The following SCHIP1 variants were observed in gnomAD, a reference collection of about 807,000 sequenced individuals.
SCHIP1 encodes the protein schwannomin interacting protein 1, also known as schwannomin-interacting protein 1.
SCHIP1 carries 8 observed loss-of-function variants against 29.7 expected under a neutral mutation model. The ratio of observed to expected loss-of-function variants is 0.27; its 90% confidence interval spans 0.16 to 0.49. The LOEUF (loss-of-function observed/expected upper bound fraction) is 0.49, where lower values mean the gene tolerates loss of function less well. Ranked by LOEUF, SCHIP1 falls within the 20% of genes least tolerant of loss-of-function variation. SCHIP1 has a pLI of 0.99. For synonymous variants in SCHIP1, 76 were observed against 94.9 expected (o/e 0.80, Z 1.16); for missense variants, 193 against 294.6 (o/e 0.66, Z 2.52).
chr3:159,531,403 C>T, the SCHIP1 span, among the ~76,000 whole-genome samples: 2 of 152,134 alleles, frequency 1.3e-5, no homozygotes, highest in Admixed American at 1.3e-4. Flanking sequence ...CCTTCCAGTC[C>T]CACTATCAAA....
At chr3:159,409,576 A>G in the SCHIP1 span, among the ~76,000 whole-genome samples, 1 of 152,120 alleles carries the variant, frequency 6.6e-6, no homozygotes, top group Admixed American at 6.6e-5. Context: ...GAACTTAACC[A>G]AAAAAGTAAA....
At chr3:159,572,947 T>C in the SCHIP1 span, among the ~76,000 whole-genome samples, 1 of 151,744 alleles carries the variant, frequency 6.6e-6, no homozygotes, top group Non-Finnish European at 1.5e-5. Context: ...TTTTTTTTTT[T>C]TTCTTTCCAT....
chr3:159,447,632 G>A, the SCHIP1 span, among the ~76,000 whole-genome samples: 1 of 152,148 alleles, frequency 6.6e-6, no homozygotes, highest in East Asian at 1.9e-4. Context: ...GATGAGCCCT[G>A]AGAATTCTTC....
At chr3:159,693,093 C>T in the SCHIP1 span, among the ~76,000 whole-genome samples, 1 of 152,168 alleles carries the variant, frequency 6.6e-6, no homozygotes, top group Non-Finnish European at 1.5e-5. Context: ...TTTTAAATCT[C>T]AAAATTAAGA....
chr3:159,873,972 T>C (rs1337931300), intron 2 of SCHIP1, among the ~76,000 whole-genome samples: 1 of 152,232 alleles, frequency 6.6e-6, no homozygotes, highest in Non-Finnish European at 1.5e-5. Flanking sequence ...TGAGCTTGTA[T>C]AGCTTAGTGT....
the SCHIP1 span, among the ~76,000 whole-genome samples, chr3:159,400,869 C>T: frequency 6.6e-6 from 1 of 152,174 alleles, no homozygotes; most frequent in Non-Finnish European, 1.5e-5. Context: ...ATAGCAGGCT[C>T]TAGACTTCCA....
intron 2 of SCHIP1, among the ~76,000 whole-genome samples, chr3:159,884,702 A>G (rs1007096298): frequency 1.3e-5 from 2 of 152,148 alleles, no homozygotes; most frequent in African/African-American, 4.8e-5. Flanking sequence ...TGGGTTTGCT[A>G]CTATTCAACC....
chr3:159,835,839 C>T (rs1743613822), upstream of SCHIP1, among the ~76,000 whole-genome samples: 1 of 152,078 alleles, frequency 6.6e-6, no homozygotes, highest in Non-Finnish European at 1.5e-5. Context: ...TAACTTTTTA[C>T]TATTATATTT....
the SCHIP1 span, among the ~76,000 whole-genome samples, chr3:159,564,010 C>T: frequency 6.6e-6 from 1 of 152,114 alleles, no homozygotes; most frequent in South Asian, 2.1e-4. Context: ...ACATACAAGA[C>T]TCTTATTTTT....
At chr3:159,325,312 G>T in the SCHIP1 span, among the ~76,000 whole-genome samples, 1 of 152,080 alleles carries the variant, frequency 6.6e-6, no homozygotes, top group Non-Finnish European at 1.5e-5. Flanking sequence ...AATGTCTCCA[G>T]TTTGATAGTT....
At chr3:159,622,205 G>A in the SCHIP1 span, among the ~76,000 whole-genome samples, 2 of 152,174 alleles carry the variant, frequency 1.3e-5, no homozygotes, top group African/African-American at 4.8e-5. Context: ...AGCAGGCAAG[G>A]TGCCACCAGA....
At chr3:159,618,394 C>CAACGATGAACACAGACAAG in the SCHIP1 span, among the ~76,000 whole-genome samples, 1 of 152,128 alleles carries the variant, frequency 6.6e-6, no homozygotes, top group African/African-American at 2.4e-5. Context: ...TAGGCATGAA[C>CAACGATGAACACAGACAAG]AACGATGAAC....
At chr3:159,580,301 T>C in the SCHIP1 span, among the ~76,000 whole-genome samples, 2 of 152,276 alleles carry the variant, frequency 1.3e-5, no homozygotes, top group East Asian at 3.9e-4. Context: ...TATTTTGTCA[T>C]GGTTATTAAT....
chr3:159,671,609 T>G, the SCHIP1 span, among the ~76,000 whole-genome samples: 424 of 152,308 alleles, frequency 2.8e-3, 1 homozygote, highest in African/African-American at 9.1e-3. Context: ...TATCAAGTTA[T>G]TAGATCAGCT....
At chr3:159,496,533 T>C in the SCHIP1 span, among the ~76,000 whole-genome samples, 1 of 152,072 alleles carries the variant, frequency 6.6e-6, no homozygotes, top group Non-Finnish European at 1.5e-5. Flanking sequence ...ATCAGAGAAA[T>C]GCAAATCAAA....
the SCHIP1 span, among the ~76,000 whole-genome samples, chr3:159,552,125 G>C: frequency 7.3e-6 from 1 of 137,538 alleles, no homozygotes; most frequent in Non-Finnish European, 1.5e-5. Flanking sequence ...TGCAGCCTCC[G>C]CCTCCCAAGT....
At chr3:159,470,673 C>G in the SCHIP1 span, among the ~76,000 whole-genome samples, 1 of 152,050 alleles carries the variant, frequency 6.6e-6, no homozygotes, top group East Asian at 1.9e-4. Flanking sequence ...CCTTTCCTCT[C>G]AAATCTGTCT....
the SCHIP1 span, among the ~76,000 whole-genome samples, chr3:159,308,343 A>G: frequency 6.6e-6 from 1 of 152,204 alleles, no homozygotes; most frequent in African/African-American, 2.4e-5. Context: ...AAAATCAAAT[A>G]ACCCCATCAA....
the SCHIP1 span, among the ~76,000 whole-genome samples, chr3:159,560,738 C>T: frequency 6.6e-6 from 1 of 151,036 alleles, no homozygotes; most frequent in African/African-American, 2.4e-5. Flanking sequence ...GTTTCTCTTT[C>T]CTGCTGCTTA....
Sources: allele counts gnomAD v4.1 joint callset (sites outside exome capture counted in the v4.1 genomes callset), GRCh38; gene constraint gnomAD v4.1.1; transcripts MANE v1.5; gene names NCBI Gene and HGNC (gene_info 2026-07-23, HGNC 2026-07-21).